RBFOX1: variants seen among roughly 807,000 people sequenced by gnomAD.
RBFOX1 encodes RNA binding fox-1 homolog 1, also known as RNA binding protein fox-1 homolog 1.
Under a neutral mutation model 57.7 loss-of-function variants are expected in RBFOX1, and 8 were observed. The observed-to-expected ratio is 0.14, with a 90% CI of 0.08 to 0.25. The LOEUF (loss-of-function observed/expected upper bound fraction) is 0.25, where lower values mean the gene tolerates loss of function less well. Among genes scored for constraint, RBFOX1 ranks in the 10% least tolerant of loss-of-function variants. The pLI is 1.00. For missense variants in RBFOX1, 611 were observed against 548.5 expected, an observed-to-expected ratio of 1.11 and a Z score of -1.14; for synonymous variants, 326 against 222.4, an observed-to-expected ratio of 1.47 and a Z score of -4.15.
chr16:7,108,326 A>C (rs372487833), intron 4 of RBFOX1, among the ~76,000 whole-genome samples: 1 of 137,960 alleles, frequency 7.2e-6, no homozygotes, highest in Non-Finnish European at 1.7e-5. Context: ...ACTTCTTTCT[A>C]TTTTATTTCA....
rs562300459 is a variant in RBFOX1, at chr16:7,694,298, C to G, written c.996-14758C>G. 1.6e-4 allele frequency among the ~76,000 whole-genome samples: 24 copies of G among 152,252 alleles called. No homozygotes were observed. The South Asian group carries it at 4.4e-3, about 28-fold the overall frequency. On this transcript the variant is annotated intron_variant, in intron 14 of 15. Transcript: ENST00000550418. ...TTAAACTGAACCTTACAAATAAACACTCATCTGTTACCTTTTATCAATGCT... is the reference window on the plus strand; with the variant it reads ...TTAAACTGAACCTTACAAATAAACAGTCATCTGTTACCTTTTATCAATGCT...
intron 2 of RBFOX1, among the ~76,000 whole-genome samples, chr16:6,492,117 A>AGT (rs112851602): frequency 0.55 from 83,987 of 151,452 alleles, 23,623 homozygotes; most frequent in Admixed American, 0.65. Flanking sequence ...AGTATATGAA[A>AGT]GTGTGTGTGT....
chr16:6,987,768 A>T (rs1054826049), intron 3 of RBFOX1, among the ~76,000 whole-genome samples: 1 of 152,132 alleles, frequency 6.6e-6, no homozygotes. Flanking sequence ...AGCAGAGGGG[A>T]GGAGAATAAG....
chr16:6,909,473 G>A (rs1372354636), intron 3 of RBFOX1, among the ~76,000 whole-genome samples: 1 of 152,178 alleles, frequency 6.6e-6, no homozygotes, highest in Non-Finnish European at 1.5e-5. Flanking sequence ...TACGATGCAG[G>A]CATCTTTGGC....
At chr16:5,755,471 G>A (rs867100193) in intron 3 of RBFOX1, among the ~76,000 whole-genome samples, 1 of 152,210 alleles carries the variant, frequency 6.6e-6, no homozygotes, top group Admixed American at 6.5e-5. Context: ...GCATGTGGCT[G>A]TTGAGTGTTA....
chr16:6,256,209 G>GTATATAGA (rs796829694), intron 1 of RBFOX1, among the ~76,000 whole-genome samples: 1 of 46,208 alleles, frequency 2.2e-5, no homozygotes, highest in African/African-American at 8.3e-5. Flanking sequence ...ATATGTATAT[G>GTATATAGA]TGTATATATA....
chr16:6,680,590 C>G (rs2058504270), intron 3 of RBFOX1, among the ~76,000 whole-genome samples: 1 of 152,158 alleles, frequency 6.6e-6, no homozygotes, highest in South Asian at 2.1e-4. Context: ...GACCTCCTAG[C>G]AGATGATTTG....
chr16:5,495,239 C>T (rs1000266818), intron 2 of RBFOX1, among the ~76,000 whole-genome samples: 36 of 152,200 alleles, frequency 2.4e-4, no homozygotes, highest in African/African-American at 8.4e-4. Context: ...CCTTGAAGCA[C>T]AAAATACCCT....
chr16:7,665,654 A>G (rs1184050062), intron 13 of RBFOX1, among the ~76,000 whole-genome samples: 1 of 152,184 alleles, frequency 6.6e-6, no homozygotes, highest in Non-Finnish European at 1.5e-5. Flanking sequence ...AGAGGTAGTT[A>G]TTCTCCGACA....
chr16:7,695,919 G>A (rs1164930555), intron 14 of RBFOX1, among the ~76,000 whole-genome samples: 1 of 152,150 alleles, frequency 6.6e-6, no homozygotes, highest in African/African-American at 2.4e-5. Context: ...TCACATTGAT[G>A]CCCATGGTGG....
chr16:7,283,310 C>T (rs1025123736), intron 4 of RBFOX1, among the ~76,000 whole-genome samples: 1 of 151,888 alleles, frequency 6.6e-6, no homozygotes, highest in African/African-American at 2.4e-5. Flanking sequence ...GTCCCCCAAT[C>T]TGCCTCTGCA....
intron 1 of RBFOX1, among the ~76,000 whole-genome samples, chr16:6,048,682 A>G (rs1403894061): frequency 2.0e-5 from 3 of 152,160 alleles, no homozygotes; most frequent in African/African-American, 7.2e-5. Context: ...GGCCCTTATC[A>G]TTCATTATAT....
chr16:6,844,371 C>G (rs1210302494), intron 3 of RBFOX1, among the ~76,000 whole-genome samples: 2 of 152,068 alleles, frequency 1.3e-5, no homozygotes, highest in Admixed American at 1.3e-4. Context: ...AGCAGATCCC[C>G]ACGCCCATTG....
intron 4 of RBFOX1, among the ~76,000 whole-genome samples, chr16:7,091,076 G>C (rs752998883): frequency 6.6e-6 from 1 of 152,128 alleles, no homozygotes; most frequent in Non-Finnish European, 1.5e-5. Flanking sequence ...AATGGTCCCC[G>C]CTTAAACTCT....
At chr16:6,401,963 C>G (rs2093087705) in intron 2 of RBFOX1, among the ~76,000 whole-genome samples, 1 of 151,824 alleles carries the variant, frequency 6.6e-6, no homozygotes, top group African/African-American at 2.4e-5. Context: ...AAGATCGTAA[C>G]TGATCATCAT....
chr16:7,184,638 C>T (rs1263179775), intron 4 of RBFOX1, among the ~76,000 whole-genome samples: 1 of 151,938 alleles, frequency 6.6e-6, no homozygotes, highest in African/African-American at 2.4e-5. Flanking sequence ...TCACAGTATA[C>T]CATGCTTGAT....
At chr16:6,832,617 C>G (rs2092788457) in intron 3 of RBFOX1, among the ~76,000 whole-genome samples, 1 of 152,190 alleles carries the variant, frequency 6.6e-6, no homozygotes, top group Non-Finnish European at 1.5e-5. Context: ...AAGTTATTTA[C>G]CTTTTTGTTG....
At chr16:6,362,272 C>G (rs1263922906) in intron 2 of RBFOX1, among the ~76,000 whole-genome samples, 7 of 152,102 alleles carry the variant, frequency 4.6e-5, no homozygotes, top group Non-Finnish European at 5.9e-5. Context: ...AATGCCCGTC[C>G]TTCCTCTAAG....
chr16:6,914,510 A>G (rs76710235), intron 3 of RBFOX1, among the ~76,000 whole-genome samples: 1 of 152,094 alleles, frequency 6.6e-6, no homozygotes, highest in Non-Finnish European at 1.5e-5. Flanking sequence ...GCCACCTTTG[A>G]TAAGTGAGAA....
Sources: allele counts gnomAD v4.1 joint callset (sites outside exome capture counted in the v4.1 genomes callset), GRCh38; gene constraint gnomAD v4.1.1; transcripts MANE v1.5; gene names NCBI Gene and HGNC (gene_info 2026-07-23, HGNC 2026-07-21).